Variants in SETD4 observed in about 807,000 individuals in gnomAD.
SETD4 encodes the protein SET domain containing 4.
A neutral mutation model predicts 58.3 loss-of-function variants in SETD4; 46 were observed. The ratio of observed to expected loss-of-function variants is 0.79; its 90% CI spans 0.62 to 1.01. SETD4 has a LOEUF of 1.01. SETD4 is among the 50% of genes least tolerant of loss of function. The pLI, the probability that SETD4 is intolerant of heterozygous loss-of-function variation, is 0.00. For missense variants in SETD4, 490 were observed against 523.3 expected (o/e 0.94, Z 0.62); for synonymous variants, 190 against 202.6 (o/e 0.94, Z 0.53).
intron 4 of SETD4, among the ~76,000 whole-genome samples, chr21:36,052,502 G>A (rs768615662): frequency 6.8e-6 from 1 of 147,418 alleles, no homozygotes; most frequent in Non-Finnish European, 1.5e-5. Flanking sequence ...AGGTTGCAAG[G>A]AGCCGAGATC....
At chr21:36,053,853 T>C (rs1414692992) in intron 3 of SETD4, among the ~76,000 whole-genome samples, 3 of 152,154 alleles carry the variant, frequency 2.0e-5, no homozygotes, top group African/African-American at 7.2e-5. Flanking sequence ...AGGTGAGACC[T>C]AAAGAGCACC....
chr21:36,056,956 C>T (rs1270376612), intron 3 of SETD4, among the ~76,000 whole-genome samples, 153 bp downstream of exon 3: 3 of 152,216 alleles, frequency 2.0e-5, no homozygotes, highest in Non-Finnish European at 4.4e-5. Context: ...AATTAACTGG[C>T]CATACACAGG....
In SETD4 at chr21:36,041,837, A is replaced by G. The variant is rs1040226343; in HGVS notation, c.953T>C (p.Ile318Thr). 4.0e-6 allele frequency: 6 copies of G among 1,483,248 alleles called. No homozygotes were observed. Among genetic ancestry groups the G allele is most frequent in the Admixed American group, 3.9e-5 (2 of 51,808 alleles). The allele number at this position is 1,483,248 out of a possible 1,614,324, so 91.9% of individuals were successfully genotyped here. Residue 318 changes from isoleucine (I) to threonine (T), a missense_variant, in exon 8 of 12, where the codon ATT becomes ACT. Transcript: ENST00000332131. ...PSTDKQMDKK[I>T]SILKDHGYIE... Reference sequence around the variant, plus strand: ...ATAGCCATGATCCTTTAAAATAGAAATCTTTTTGTCCATCTGTTTATCTGT... The same window carrying G: ...ATAGCCATGATCCTTTAAAATAGAAGTCTTTTTGTCCATCTGTTTATCTGT...
rs1355291859 is a variant in SETD4, at chr21:36,045,945, C to T, written c.363G>A (p.Gly121=). The change falls in exon 6 of 12, where the codon GGG becomes GGA. Residue 121 remains glycine, a synonymous_variant. Coordinates refer to ENST00000332131, the MANE Select transcript of SETD4 (RefSeq NM_017438.5). ...GGTAAGGCTTCCAAAGAGATCGGTG[C>T]CCAGCATGCTTTTCTGAAACTAAAA... ...CTFLVSEKHA[G]HRSLWKPYLE... 1 of 1,614,068 alleles carries T rather than the reference C, an allele frequency of 6.2e-7. No homozygotes were observed. The highest frequency in any genetic ancestry group is 8.5e-7 in the Non-Finnish European group (1 of 1,180,032).
intron 3 of SETD4, among the ~76,000 whole-genome samples, chr21:36,056,071 G>A (rs1424659798): frequency 6.6e-6 from 1 of 152,156 alleles, no homozygotes; most frequent in Non-Finnish European, 1.5e-5. Flanking sequence ...TATGGTTCAT[G>A]ACCATCAACT....
chr21:36,035,979 G>GA lies in SETD4; in HGVS notation c.*33-20dup. On this transcript the variant is annotated intron_variant, in intron 11 of 11. Transcript: ENST00000332131. ...TTTGTTTCTGTAGGAAAAGCAAAAGGAAAAGGATTAAGTTCCTAATTGTTG... is the reference window on the plus strand; with the variant it reads ...TTTGTTTCTGTAGGAAAAGCAAAAGGAAAAAGGATTAAGTTCCTAATTGTTG... 1 of 1,178,036 alleles carries GA rather than the reference G, an allele frequency of 8.5e-7. No homozygotes were observed. The highest frequency in any genetic ancestry group is 1.2e-6 in the Non-Finnish European group (1 of 825,292). 73.0% of individuals were successfully genotyped at this position (1,178,036 alleles called of 1,614,324 possible).
intron 7 of SETD4, 116 bp downstream of exon 7, chr21:36,043,666 G>A: frequency 6.7e-7 from 1 of 1,484,550 alleles, no homozygotes; most frequent in Non-Finnish European, 8.9e-7. Context: ...AAGAAAATTA[G>A]TGATATGTAT....
intron 5 of SETD4, among the ~76,000 whole-genome samples, chr21:36,046,962 A>C (rs920236290): frequency 6.6e-6 from 1 of 152,230 alleles, no homozygotes; most frequent in African/African-American, 2.4e-5. Context: ...CTAATGGTTA[A>C]GAGACAGTAT....
intron 4 of SETD4, among the ~76,000 whole-genome samples, chr21:36,050,030 C>T (rs927922392): frequency 5.3e-5 from 8 of 152,102 alleles, no homozygotes; most frequent in Admixed American, 2.0e-4. Context: ...GATGAGCTTC[C>T]GGGTTTATGG....
At chr21:36,055,421 A>G (rs1261467936) in intron 3 of SETD4, among the ~76,000 whole-genome samples, 1 of 152,216 alleles carries the variant, frequency 6.6e-6, no homozygotes, top group Non-Finnish European at 1.5e-5. Flanking sequence ...AATTTCCACT[A>G]TCATCAATCT....
chr21:36,036,377 T>C (rs1601183827), intron 10 of SETD4, 126 bp from the exon 11 acceptor site: 33 of 978,770 alleles, frequency 3.4e-5, no homozygotes, highest in Non-Finnish European at 4.8e-5. Context: ...TCACATTGTT[T>C]AGATCCACTG....
At chr21:36,041,265 C>T (rs1369935894) in intron 8 of SETD4, among the ~76,000 whole-genome samples, 1 of 147,458 alleles carries the variant, frequency 6.8e-6, no homozygotes, top group African/African-American at 2.5e-5. Flanking sequence ...CGCTTAAGAA[C>T]TGGAACTACC....
chr21:36,057,149 C>A lies in SETD4; in HGVS notation c.129G>T (p.Arg43Ser). 6.2e-7 allele frequency: 1 copy of A among 1,614,194 alleles called. No homozygotes were observed. The highest frequency in any genetic ancestry group is 1.1e-5 in the South Asian group (1 of 91,076). Residue 43 changes from arginine to serine, a missense_variant, in exon 3 of 12, where the codon AGG becomes AGT. By Grantham distance (110) the Arg-to-Ser change is moderately radical (BLOSUM62 -1). Transcript: ENST00000332131. ...FIELRKWLKA[R>S]KFQDSNLAPA... ...GCGCTAAGTTTGAATCTTGAAACTT[C>A]CTAGCTTTCAGCCACTTCCTCAGCT...
At chr21:36,046,093 A>T in intron 5 of SETD4, 82 bp from the exon 6 acceptor site, 1 of 1,453,112 alleles carries the variant, frequency 6.9e-7, no homozygotes, top group Non-Finnish European at 9.3e-7. Context: ...TTGCTGCCAG[A>T]AGGAGTGTGT....
chr21:36,039,696 A>C (rs1421118154), intron 9 of SETD4, among the ~76,000 whole-genome samples: 1 of 152,394 alleles, frequency 6.6e-6, no homozygotes, highest in South Asian at 2.1e-4. Flanking sequence ...CATCGGTTAA[A>C]GAATTCATAG....
At chr21:36,036,520 G>T (rs2063789684) in intron 10 of SETD4, 3 of 553,484 alleles carry the variant, frequency 5.4e-6, no homozygotes, top group African/African-American at 4.1e-5. Context: ...GAACTCACCT[G>T]TTCCAGGAAC....
chr21:36,057,529 T>C, intron 2 of SETD4: 2 of 534,488 alleles, frequency 3.7e-6, no homozygotes, highest in Non-Finnish European at 6.8e-6. Context: ...CCACTGTACA[T>C]GTGATCCATC....
chr21:36,054,271 T>C (rs2064867869), intron 3 of SETD4, among the ~76,000 whole-genome samples: 2 of 152,164 alleles, frequency 1.3e-5, no homozygotes, highest in Non-Finnish European at 2.9e-5. Flanking sequence ...ATTCAATAAA[T>C]TCCTTTATTT....
intron 1 of SETD4, chr21:36,059,723 A>G (rs1201112250): frequency 1.0e-6 from 1 of 976,084 alleles, no homozygotes; most frequent in African/African-American, 1.8e-5. Flanking sequence ...TAAAAAATAA[A>G]TCTACTTCTA....
Sources: gnomAD v4.1 joint callset for allele counts (sites outside exome capture counted in the v4.1 genomes callset) on GRCh38, gnomAD v4.1.1 for gene constraint, MANE v1.5 for transcripts, NCBI Gene and HGNC (gene_info 2026-07-23, HGNC 2026-07-21) for gene names.